Variants in ADGRB3 observed in about 807,000 individuals in gnomAD.
The protein encoded by ADGRB3 is brain-specific angiogenesis inhibitor 3.
Under a neutral mutation model 193.4 loss-of-function variants are expected in ADGRB3, and 37 were observed. The ratio of observed to expected loss-of-function variants is 0.19; its 90% CI spans 0.15 to 0.25. ADGRB3 has a LOEUF of 0.25. ADGRB3 is among the 10% of genes least tolerant of loss of function. The pLI, the probability that ADGRB3 is intolerant of heterozygous loss-of-function variation, is 1.00. For missense variants in ADGRB3, 1,637 were observed against 1,852.9 expected, an observed-to-expected ratio of 0.88 and a Z score of 2.14; for synonymous variants, 690 against 644.2, an observed-to-expected ratio of 1.07 and a Z score of -1.08.
chr6:69,330,617 A>G (rs1168478719), intron 23 of ADGRB3, 45 bp downstream of exon 23: 1 of 1,523,050 alleles, frequency 6.6e-7, no homozygotes, highest in East Asian at 2.3e-5. Context: ...GGAAAAAAAA[A>G]AAAGACTACT....
chr6:68,960,938 G>A (rs1441241381), intron 8 of ADGRB3, among the ~76,000 whole-genome samples: 1 of 152,106 alleles, frequency 6.6e-6, no homozygotes, highest in African/African-American at 2.4e-5. Flanking sequence ...ATAATGATAA[G>A]GTGATAAAAT....
chr6:69,208,048 T>C (rs898631275), intron 17 of ADGRB3, among the ~76,000 whole-genome samples: 27 of 152,178 alleles, frequency 1.8e-4, no homozygotes, highest in African/African-American at 6.3e-4. Context: ...CACTGGCAAA[T>C]TGGGCACTCA....
chr6:69,341,847 A>G (rs924245139), intron 26 of ADGRB3, among the ~76,000 whole-genome samples: 1 of 152,150 alleles, frequency 6.6e-6, no homozygotes, highest in East Asian at 1.9e-4. Context: ...ATGATGATAT[A>G]CCTACATGCA....
chr6:68,741,984 C>A (rs1424283702), intron 3 of ADGRB3, among the ~76,000 whole-genome samples: 1 of 152,172 alleles, frequency 6.6e-6, no homozygotes, highest in Non-Finnish European at 1.5e-5. Flanking sequence ...ACACAAGTTT[C>A]TGTGTTAAAA....
chr6:69,265,244 CTCATATGCAGCTAGAATTGAG>C (rs1767014122), intron 20 of ADGRB3, among the ~76,000 whole-genome samples: 1 of 151,898 alleles, frequency 6.6e-6, no homozygotes, highest in Non-Finnish European at 1.5e-5. Flanking sequence ...ACAAGTGATG[CTCATATGCAGCTAGAATTGAG>C]TCACAGAGCT....
At chr6:69,302,964 G>C (rs1041795048) in intron 20 of ADGRB3, among the ~76,000 whole-genome samples, 2 of 151,936 alleles carry the variant, frequency 1.3e-5, no homozygotes, top group Admixed American at 6.6e-5. Flanking sequence ...TTTCAGAGCT[G>C]ATAGACACCA....
chr6:68,849,677 C>A (rs1768357278), intron 3 of ADGRB3, among the ~76,000 whole-genome samples: 2 of 151,822 alleles, frequency 1.3e-5, no homozygotes, highest in Admixed American at 1.3e-4. Flanking sequence ...ACTATCTCAC[C>A]CAAGTCTCAA....
intron 3 of ADGRB3, among the ~76,000 whole-genome samples, chr6:68,760,842 G>T (rs1006927180): frequency 7.2e-5 from 11 of 152,182 alleles, no homozygotes; most frequent in African/African-American, 2.7e-4. Context: ...AGCATGTCCA[G>T]TTCTCTGAAT....
At chr6:69,379,594 A>G (rs569779259) in intron 30 of ADGRB3, among the ~76,000 whole-genome samples, 1 of 152,126 alleles carries the variant, frequency 6.6e-6, no homozygotes, top group African/African-American at 2.4e-5. Flanking sequence ...TGAAGCTGGC[A>G]TTCTTATCAG....
chr6:69,297,374 C>CTCTCTT (rs1767848300), intron 20 of ADGRB3, among the ~76,000 whole-genome samples: 5 of 125,066 alleles, frequency 4.0e-5, no homozygotes, highest in Admixed American at 1.6e-4. Context: ...CTCTTTCTCT[C>CTCTCTT]TCTCTCTCTC....
intron 3 of ADGRB3, among the ~76,000 whole-genome samples, chr6:68,772,950 T>A (rs7453663): frequency 0.47 from 7,332 of 15,726 alleles, 825 homozygotes; most frequent in Middle Eastern, 0.58. Flanking sequence ...CACACAAAAA[T>A]AAAAAATAAA....
At chr6:69,075,189 T>C (rs1328364211) in intron 16 of ADGRB3, among the ~76,000 whole-genome samples, 2 of 152,286 alleles carry the variant, frequency 1.3e-5, no homozygotes, top group East Asian at 3.9e-4. Context: ...ACTTTAAAAG[T>C]GTATGCTCCA....
chr6:68,784,124 A>C (rs1343356493), intron 3 of ADGRB3, among the ~76,000 whole-genome samples: 1 of 152,140 alleles, frequency 6.6e-6, no homozygotes, highest in Non-Finnish European at 1.5e-5. Context: ...TAAAACTTTC[A>C]CATATATTTT....
At chr6:69,339,527 A>T in intron 26 of ADGRB3, 23 bp downstream of exon 26, 1 of 1,603,918 alleles carries the variant, frequency 6.2e-7, no homozygotes, top group East Asian at 2.2e-5. Flanking sequence ...CTTGTGATAG[A>T]GAACAGTGAT....
chr6:68,982,824 A>T lies in ADGRB3; in HGVS notation c.1734+7484A>T, dbSNP rs1048441610. On this transcript the variant is annotated intron_variant, in intron 10 of 31. Transcript: ENST00000370598. ...CTGGCCAACCAAATTATATTCATTT[A>T]TCTTTCTACCCGAGAGGTGCTCTGC... 2.0e-5 allele frequency among the ~76,000 whole-genome samples: 3 copies of T among 152,162 alleles called. No individual in the cohort carries two copies. The East Asian group carries it at 5.8e-4, about 29-fold the overall frequency.
intron 31 of ADGRB3, among the ~76,000 whole-genome samples, chr6:69,383,392 G>C (rs758753455): frequency 6.6e-6 from 1 of 151,766 alleles, no homozygotes. Context: ...AAGAATTTTC[G>C]TACACACATC....
intron 3 of ADGRB3, among the ~76,000 whole-genome samples, chr6:68,838,879 A>G (rs1387104888): frequency 6.6e-6 from 1 of 152,178 alleles, no homozygotes; most frequent in Admixed American, 6.6e-5. Flanking sequence ...CAGACACATA[A>G]AATATAAACA....
At chr6:68,657,917 C>G (rs1768529946) in intron 3 of ADGRB3, among the ~76,000 whole-genome samples, 1 of 151,222 alleles carries the variant, frequency 6.6e-6, no homozygotes, top group Non-Finnish European at 1.5e-5. Flanking sequence ...AACCTGGCAT[C>G]TATGGGAAAT....
At position 69,292,651 on chromosome 6, in the gene ADGRB3, C is replaced by T. The variant is rs916716758; in HGVS notation, c.2815-32221C>T. Among the ~76,000 whole-genome samples, 5 of 152,022 alleles carry T rather than the reference C, an allele frequency of 3.3e-5. No individual in the cohort carries two copies. The South Asian group carries it at 1.0e-3, about 32-fold the overall frequency. ...CTGGGCAGGTTCCACCAATGAGATCCACTGTAGGGAGATATGAGGGAGGAA... is the reference window on the plus strand; with the variant it reads ...CTGGGCAGGTTCCACCAATGAGATCTACTGTAGGGAGATATGAGGGAGGAA... On this transcript the variant is annotated intron_variant, in intron 20 of 31. Transcript: ENST00000370598.
Sources: gnomAD v4.1 joint callset for allele counts (sites outside exome capture counted in the v4.1 genomes callset) on GRCh38, gnomAD v4.1.1 for gene constraint, MANE v1.5 for transcripts, NCBI Gene and HGNC (gene_info 2026-07-23, HGNC 2026-07-21) for gene names.